The following KDM5A variants were observed in gnomAD, a reference collection of about 807,000 sequenced individuals.
The protein encoded by KDM5A is lysine-specific demethylase 5A.
Under a neutral mutation model 193.5 loss-of-function variants are expected in KDM5A, and 42 were observed. The observed-to-expected ratio is 0.22, with a 90% CI of 0.17 to 0.28. The LOEUF (loss-of-function observed/expected upper bound fraction) is 0.28. Ranked by LOEUF, KDM5A falls within the 10% of genes least tolerant of loss-of-function variation. The pLI is 1.00. For synonymous variants in KDM5A, 796 were observed against 718.1 expected (o/e 1.11, Z -1.73); for missense variants, 1,692 against 2,055.1 (o/e 0.82, Z 3.42).
chr12:377,903 G>C (rs1329794823), intron 3 of KDM5A, among the ~76,000 whole-genome samples: 1 of 152,130 alleles, frequency 6.6e-6, no homozygotes, highest in East Asian at 1.9e-4. Context: ...AGAAAATAAA[G>C]CTGATAGATT....
chr12:364,601 C>A (rs866660276), intron 4 of KDM5A, among the ~76,000 whole-genome samples: 1 of 151,650 alleles, frequency 6.6e-6, no homozygotes, highest in Non-Finnish European at 1.5e-5. Flanking sequence ...CTGGCTAACA[C>A]GGTGAAACTC....
chr12:366,770 T>C (rs1487569885), intron 3 of KDM5A, among the ~76,000 whole-genome samples: 1 of 152,228 alleles, frequency 6.6e-6, no homozygotes, highest in Non-Finnish European at 1.5e-5. Flanking sequence ...AGAATACATA[T>C]TTCAAAGCTC....
At chr12:315,352 T>C (rs1187409000) in intron 19 of KDM5A, among the ~76,000 whole-genome samples, 5 of 152,130 alleles carry the variant, frequency 3.3e-5, no homozygotes, top group African/African-American at 1.2e-4. Flanking sequence ...GGCAGGCAGA[T>C]TGCTTGAGGT....
At chr12:352,788 T>C (rs531466214) in intron 8 of KDM5A, among the ~76,000 whole-genome samples, 1 of 152,332 alleles carries the variant, frequency 6.6e-6, no homozygotes, top group South Asian at 2.1e-4. Flanking sequence ...CTATGACCAA[T>C]GTCTTAACAC....
intron 5 of KDM5A, among the ~76,000 whole-genome samples, chr12:361,246 C>T: frequency 6.6e-6 from 1 of 151,860 alleles, no homozygotes; most frequent in African/African-American, 2.4e-5. Flanking sequence ...CCAGACTGGA[C>T]TGCAGTGGCG....
intron 27 of KDM5A, 147 bp from the exon 28 acceptor site, chr12:285,809 A>G (rs1943213512): frequency 1.6e-5 from 12 of 764,124 alleles, no homozygotes; most frequent in Non-Finnish European, 2.7e-5. Context: ...TTATTTTTTA[A>G]AGAAAGAAGC....
At chr12:297,552 T>G (rs940954051) in intron 24 of KDM5A, among the ~76,000 whole-genome samples, 2 of 152,206 alleles carry the variant, frequency 1.3e-5, no homozygotes, top group Non-Finnish European at 2.9e-5. Context: ...TCTAAGACCC[T>G]AAAGCCTGAT....
intron 14 of KDM5A, among the ~76,000 whole-genome samples, chr12:328,472 T>C (rs900921516): frequency 6.6e-6 from 1 of 152,198 alleles, no homozygotes; most frequent in Admixed American, 6.5e-5. Context: ...GGGAAAAAGA[T>C]TAATTCAAAC....
intron 10 of KDM5A, among the ~76,000 whole-genome samples, chr12:339,393 CTT>C (rs1481360888): frequency 6.6e-6 from 1 of 152,096 alleles, no homozygotes; most frequent in Non-Finnish European, 1.5e-5. Context: ...CCCTAAAATC[CTT>C]TTGTCATAAA....
chr12:382,266 T>C (rs1825371953), intron 3 of KDM5A, among the ~76,000 whole-genome samples: 2 of 151,994 alleles, frequency 1.3e-5, no homozygotes, highest in Non-Finnish European at 2.9e-5. Context: ...ACCCTGTCTC[T>C]ACTAACAATA....
chr12:322,711 C>A (rs890650102), intron 16 of KDM5A, 144 bp from the exon 17 acceptor site: 7 of 720,276 alleles, frequency 9.7e-6, no homozygotes, highest in South Asian at 1.7e-5. Context: ...CTGTGAAAAT[C>A]TCACCAACAC....
chr12:280,508 A>G lies in KDM5A; in HGVS notation c.*4948T>C, dbSNP rs1385682631. On this transcript the variant is annotated 3_prime_UTR_variant, in exon 28 of 28. Coordinates refer to ENST00000399788, the MANE Select transcript of KDM5A (RefSeq NM_001042603.3). ...TCCTAACATACACATACAGAGTTACACATTTCATGAAACTGAGGCCAAGTC... is the reference window on the plus strand; with the variant it reads ...TCCTAACATACACATACAGAGTTACGCATTTCATGAAACTGAGGCCAAGTC... The G allele has an allele frequency of 8.6e-6, 2 of 232,962 alleles. No homozygotes were observed. 14.4% of individuals were successfully genotyped at this position (232,962 alleles called of 1,614,324 possible). A position where few individuals can be genotyped will look rare whatever the true frequency, so the allele number is the denominator to read the frequency against.
rs754363127 is a variant in KDM5A, at chr12:389,112, G to C, written c.-21C>G. ...GCCATTGCAACGGCCGGGGGGGGGG[G>C]GGGGTCCCCGTGGGGAACCGGTGGA... On this transcript the variant is annotated 5_prime_UTR_variant, in exon 1 of 28. Transcript: ENST00000399788. 6.9e-6 allele frequency: 11 copies of C among 1,600,238 alleles called. No individual in the cohort carries two copies. The highest frequency in any genetic ancestry group is 1.3e-5 in the African/African-American group (1 of 74,656).
intron 5 of KDM5A, among the ~76,000 whole-genome samples, chr12:358,956 G>A (rs1170608558): frequency 6.6e-6 from 1 of 150,958 alleles, no homozygotes; most frequent in South Asian, 2.1e-4. Context: ...GGGCGACAGA[G>A]CAAGACTCCA....
At chr12:316,897 CAG>C (rs1418556800) in intron 19 of KDM5A, among the ~76,000 whole-genome samples, 3 of 152,176 alleles carry the variant, frequency 2.0e-5, no homozygotes, top group Non-Finnish European at 4.4e-5. Flanking sequence ...GTTAAGTACA[CAG>C]AGGTATTGAA....
intron 24 of KDM5A, 153 bp downstream of exon 24, chr12:306,793 G>GA: frequency 6.3e-6 from 5 of 796,120 alleles, no homozygotes; most frequent in South Asian, 3.1e-5. Flanking sequence ...TTTGAGTTTT[G>GA]AAAAAATGCT....
intron 19 of KDM5A, among the ~76,000 whole-genome samples, chr12:317,203 A>G (rs1436047332): frequency 6.6e-6 from 1 of 152,164 alleles, no homozygotes; most frequent in Non-Finnish European, 1.5e-5. Context: ...TTCGACATGA[A>G]TCCTCCACTC....
chr12:289,714 C>CAAAAAAAA (rs774919490), intron 27 of KDM5A, among the ~76,000 whole-genome samples: 3 of 79,104 alleles, frequency 3.8e-5, no homozygotes, highest in African/African-American at 1.3e-4. Context: ...GACCCTGTCT[C>CAAAAAAAA]AAAAAAAAAA....
chr12:372,771 T>TGTCA (rs1944446209), intron 3 of KDM5A, among the ~76,000 whole-genome samples: 1 of 152,214 alleles, frequency 6.6e-6, no homozygotes. Context: ...GTCCCATCAA[T>TGTCA]ACCTAATTTA....
Sources: allele counts gnomAD v4.1 joint callset (sites outside exome capture counted in the v4.1 genomes callset), GRCh38; gene constraint gnomAD v4.1.1; transcripts MANE v1.5; gene names NCBI Gene and HGNC (gene_info 2026-07-23, HGNC 2026-07-21).